FAT3: variants seen among roughly 807,000 people sequenced by gnomAD.
The protein encoded by FAT3 is protocadherin Fat 3.
Under a neutral mutation model 310.2 loss-of-function variants are expected in FAT3, and 95 were observed. That is an observed-to-expected ratio of 0.31 (90% CI 0.26 to 0.36). The LOEUF (loss-of-function observed/expected upper bound fraction) is 0.36. FAT3 is among the 10% of genes least tolerant of loss of function. The probability of loss-of-function intolerance (pLI) is 1.00; values close to 1 mark genes in which losing one functional copy is unlikely to be tolerated. For missense variants in FAT3, 5,408 were observed against 5,715.6 expected (o/e 0.95, Z 1.74); for synonymous variants, 2,314 against 2,192.9 (o/e 1.06, Z -1.54).
intron 1 of FAT3, among the ~76,000 whole-genome samples, chr11:92,296,844 C>A (rs969383158): frequency 2.0e-5 from 3 of 151,970 alleles, no homozygotes; most frequent in Admixed American, 2.0e-4. Flanking sequence ...AGGCTCAGAA[C>A]CTAGACAAGA....
chr11:92,385,473 T>G (rs1194980047), intron 2 of FAT3, among the ~76,000 whole-genome samples: 1 of 152,186 alleles, frequency 6.6e-6, no homozygotes, highest in Non-Finnish European at 1.5e-5. Context: ...GTTCTAGCGA[T>G]TCTCGTGCCT....
intron 1 of FAT3, among the ~76,000 whole-genome samples, chr11:92,250,918 C>T (rs1296200313): frequency 6.6e-6 from 1 of 152,112 alleles, no homozygotes; most frequent in Non-Finnish European, 1.5e-5. Flanking sequence ...GTGTCTTTTG[C>T]ACCAGTTTAG....
At chr11:92,339,815 C>A (rs1948196378) in intron 1 of FAT3, among the ~76,000 whole-genome samples, 2 of 151,940 alleles carry the variant, frequency 1.3e-5, no homozygotes, top group South Asian at 4.2e-4. Flanking sequence ...TTGAGATAAG[C>A]CAAACAGGAA....
chr11:92,455,212 A>G (rs2135084256), intron 2 of FAT3, among the ~76,000 whole-genome samples: 1 of 152,314 alleles, frequency 6.6e-6, no homozygotes, highest in South Asian at 2.1e-4. Flanking sequence ...TGTGAAGATC[A>G]TATAATTTCT....
At chr11:92,858,088 A>T (rs1949027841) in intron 20 of FAT3, among the ~76,000 whole-genome samples, 1 of 152,254 alleles carries the variant, frequency 6.6e-6, no homozygotes, top group African/African-American at 2.4e-5. Flanking sequence ...TCCAATAAAT[A>T]GTTGGAATAA....
chr11:92,691,893 T>A (rs1212711380), intron 3 of FAT3, among the ~76,000 whole-genome samples: 3 of 152,218 alleles, frequency 2.0e-5, no homozygotes, highest in Non-Finnish European at 4.4e-5. Context: ...TTAGACTATA[T>A]GATATCTGAA....
At chr11:92,823,983 G>A (rs1479191816) in intron 13 of FAT3, among the ~76,000 whole-genome samples, 1 of 152,138 alleles carries the variant, frequency 6.6e-6, no homozygotes, top group Admixed American at 6.6e-5. Flanking sequence ...TTTCATTGTA[G>A]TGGGATTTTA....
rs531851399 is a variant in FAT3 at position 92,332,103 on chromosome 11, GC to G, written c.-17-19990del. 3.9e-5 allele frequency among the ~76,000 whole-genome samples: 6 copies of G among 152,204 alleles called. No individual in the cohort carries two copies. The South Asian group carries it at 1.2e-3, about 31-fold the overall frequency. On this transcript the variant is annotated intron_variant, in intron 1 of 27. Coordinates refer to ENST00000525166, the MANE Select transcript of FAT3 (RefSeq NM_001367949.2). Reference sequence around the variant, plus strand: ...CAGGTAGGGAGGGGGCTCCTGAAGTGCCCAAGTTTAAAGTTCATGGTCTTCA... The same window carrying G: ...CAGGTAGGGAGGGGGCTCCTGAAGTGCCAAGTTTAAAGTTCATGGTCTTCA...
chr11:92,468,115 A>C (rs1470032292), intron 2 of FAT3, among the ~76,000 whole-genome samples: 1 of 152,198 alleles, frequency 6.6e-6, no homozygotes, highest in Non-Finnish European at 1.5e-5. Context: ...ACTTTGGGCC[A>C]GGTCGGGTTT....
intron 2 of FAT3, among the ~76,000 whole-genome samples, chr11:92,456,817 G>C (rs1185540898): frequency 6.6e-6 from 1 of 152,070 alleles, no homozygotes; most frequent in African/African-American, 2.4e-5. Context: ...CAAGCAGTCT[G>C]TACCGTGGCA....
chr11:92,281,363 T>C (rs1330212815), intron 1 of FAT3, among the ~76,000 whole-genome samples: 1 of 152,212 alleles, frequency 6.6e-6, no homozygotes, highest in African/African-American at 2.4e-5. Context: ...TTTGCAAGTT[T>C]CTACAAGTAT....
chr11:92,846,562 T>C (rs1392057432), intron 19 of FAT3, among the ~76,000 whole-genome samples: 1 of 152,188 alleles, frequency 6.6e-6, no homozygotes, highest in African/African-American at 2.4e-5. Flanking sequence ...TGAATAATTC[T>C]TTAAAAGAAG....
At chr11:92,225,473 G>C (rs1023954133) in intron 1 of FAT3, among the ~76,000 whole-genome samples, 2 of 152,124 alleles carry the variant, frequency 1.3e-5, no homozygotes, top group African/African-American at 4.8e-5. Context: ...CTGGGGAGGG[G>C]TTGCGAGGGG....
rs1945096003 is a variant in FAT3, at chr11:92,729,216, G to T, written c.3669+31771G>T. Among the ~76,000 whole-genome samples, 3 of 152,236 alleles carry T rather than the reference G, an allele frequency of 2.0e-5. No homozygotes were observed. The South Asian group carries it at 6.2e-4, about 32-fold the overall frequency. On this transcript the variant is annotated intron_variant, in intron 4 of 27. Transcript: ENST00000525166. Reference sequence around the variant, plus strand: ...ACAAGGTGCCAGCGCTGCTTTCTCAGTTGTGTGCTTGCAAACAAACTGACT... The same window carrying T: ...ACAAGGTGCCAGCGCTGCTTTCTCATTTGTGTGCTTGCAAACAAACTGACT...
In FAT3 at chr11:92,798,276, G is replaced by A; in HGVS notation, c.5263G>A (p.Val1755Ile). 1 of 1,613,842 alleles carries A rather than the reference G, an allele frequency of 6.2e-7. No homozygotes were observed. The highest frequency in any genetic ancestry group is 2.2e-5 in the East Asian group (1 of 44,852). The part of the protein sequence containing the change: ...NMAGMASNAT[V>I]NIQIVDENDN... ...GGCAGGAATGGCTTCCAATGCTACAGTCAATATTCAGATTGTTGATGAAAA... is the reference window on the plus strand; with the variant it reads ...GGCAGGAATGGCTTCCAATGCTACAATCAATATTCAGATTGTTGATGAAAA... Residue 1755 changes from valine to isoleucine, a missense_variant, in exon 10 of 28, where the codon GTC becomes ATC. Val to Ile is a conservative substitution (Grantham distance 29). Around this residue, in one of 5 missense-constraint regions of FAT3, gnomAD observed 4,588 missense variants for 4,809.8 expected, o/e 0.95. Transcript: ENST00000525166.
At chr11:92,385,309 TAG>T (rs1295456228) in intron 2 of FAT3, among the ~76,000 whole-genome samples, 5 of 152,288 alleles carry the variant, frequency 3.3e-5, no homozygotes, top group Non-Finnish European at 5.9e-5. Flanking sequence ...TGTCCGTAGG[TAG>T]AGAGTCTAGA....
rs142609073 is a variant in FAT3 at position 92,819,446 on chromosome 11, G to A, written c.9481+9370G>A. Among the ~76,000 whole-genome samples the A allele has an allele frequency of 1.3e-3, 198 of 152,248 alleles. 2 individuals are homozygous for A. Among genetic ancestry groups the A allele is most frequent in the East Asian group, 8.7e-3 (45 of 5,172 alleles). On this transcript the variant is annotated intron_variant, in intron 13 of 27. Transcript: ENST00000525166. The stretch of plus-strand genomic sequence containing the variant: ...GGGAAGGAACCTCCTGATAATTTGC[G>A]TTTCAGACTAGTTCCCAGGTGATGT...
intron 1 of FAT3, among the ~76,000 whole-genome samples, chr11:92,303,357 A>G (rs1463323265): frequency 1.3e-5 from 2 of 151,778 alleles, no homozygotes; most frequent in Non-Finnish European, 2.9e-5. Flanking sequence ...TTATTTTCTC[A>G]TTTGTCAGGA....
chr11:92,623,597 T>G (rs1011095740), intron 3 of FAT3, among the ~76,000 whole-genome samples: 1 of 152,196 alleles, frequency 6.6e-6, no homozygotes, highest in Non-Finnish European at 1.5e-5. Context: ...TGGTGTGGGT[T>G]TTTTAATTAT....
Sources: gnomAD v4.1 joint callset for allele counts (sites outside exome capture counted in the v4.1 genomes callset) on GRCh38, gnomAD v4.1.1 for gene constraint, gnomAD v4.1.1 regional missense constraint, MANE v1.5 for transcripts, NCBI Gene and HGNC (gene_info 2026-07-23, HGNC 2026-07-21) for gene names.